The following KCNIP1 variants were observed in gnomAD, a reference collection of about 807,000 sequenced individuals.
KCNIP1 encodes the protein A-type potassium channel modulatory protein KCNIP1.
A neutral mutation model predicts 33.0 loss-of-function variants in KCNIP1; 18 were observed. The observed-to-expected ratio is 0.55, with a 90% CI of 0.38 to 0.81. The LOEUF (loss-of-function observed/expected upper bound fraction) is 0.81, where lower values mean the gene tolerates loss of function less well. KCNIP1 is among the 30% of genes least tolerant of loss of function. The probability of loss-of-function intolerance (pLI) is 0.00; values close to 1 mark genes in which losing one functional copy is unlikely to be tolerated. For missense variants in KCNIP1, 238 were observed against 271.6 expected (o/e 0.88, Z 0.87); for synonymous variants, 93 against 98.3 (o/e 0.95, Z 0.32).
At chr5:170,728,644 A>C (rs1420931695) in intron 5 of KCNIP1, among the ~76,000 whole-genome samples, 1 of 152,184 alleles carries the variant, frequency 6.6e-6, no homozygotes, top group Non-Finnish European at 1.5e-5. Context: ...ATGAAGAGAA[A>C]GAAAATTTTG....
chr5:170,618,905 T>C (rs987083388), intron 1 of KCNIP1, among the ~76,000 whole-genome samples: 1 of 152,190 alleles, frequency 6.6e-6, no homozygotes, highest in African/African-American at 2.4e-5. Context: ...ACATTCCTAC[T>C]GAGCTCTATA....
intron 1 of KCNIP1, among the ~76,000 whole-genome samples, chr5:170,679,626 AGT>A (rs58712710): frequency 0.052 from 7,514 of 144,238 alleles, 203 homozygotes; most frequent in Non-Finnish European, 0.066. Context: ...TGTATATGAC[AGT>A]GTGTGTGTGT....
chr5:170,732,869 G>A lies in KCNIP1; in HGVS notation c.505G>A (p.Asp169Asn). 6.2e-7 allele frequency: 1 copy of A among 1,613,618 alleles called. No individual in the cohort carries two copies. ...ATACACATATCCTGTGCTCAAAGAG[G>A]ACACTCCAAGGCAGCATGTGGACGT... ...GKYTYPVLKE[D>N]TPRQHVDVFF... The change falls in exon 6 of 8, where the codon GAC (aspartate) becomes AAC (asparagine). Residue 169 changes from aspartate to asparagine, a missense_variant. Physicochemically the swap from Asp to Asn is conservative, Grantham distance 23. Coordinates refer to ENST00000328939, the MANE Select transcript of KCNIP1 (RefSeq NM_014592.4).
chr5:170,406,592 G>A (rs565210705), intron 1 of KCNIP1, among the ~76,000 whole-genome samples: 16 of 152,312 alleles, frequency 1.1e-4, no homozygotes, highest in African/African-American at 3.4e-4. Context: ...GCATGGCCTG[G>A]AAGACCTTCA....
At chr5:170,622,125 G>C (rs1257927064) in intron 1 of KCNIP1, among the ~76,000 whole-genome samples, 1 of 152,202 alleles carries the variant, frequency 6.6e-6, no homozygotes, top group Non-Finnish European at 1.5e-5. Flanking sequence ...ACGGTCCCTG[G>C]AGCAAAATGT....
chr5:170,635,800 G>A (rs1480460834), intron 1 of KCNIP1, among the ~76,000 whole-genome samples: 2 of 152,244 alleles, frequency 1.3e-5, no homozygotes, highest in South Asian at 2.1e-4. Context: ...TGCCTTGGAT[G>A]TATAAAAGGG....
At chr5:170,360,901 TC>T (rs1399076142) in intron 1 of KCNIP1, among the ~76,000 whole-genome samples, 2 of 152,220 alleles carry the variant, frequency 1.3e-5, no homozygotes, top group Non-Finnish European at 2.9e-5. Flanking sequence ...TGGCTGGAGT[TC>T]CCTTTTTGAG....
At chr5:170,531,683 T>C (rs1755795642) in intron 1 of KCNIP1, among the ~76,000 whole-genome samples, 1 of 152,212 alleles carries the variant, frequency 6.6e-6, no homozygotes, top group Non-Finnish European at 1.5e-5. Context: ...TCCTTTCCCC[T>C]ACAGTACAGC....
intron 5 of KCNIP1, among the ~76,000 whole-genome samples, chr5:170,731,693 CAA>C (rs1162447420): frequency 2.3e-4 from 22 of 96,766 alleles, no homozygotes; most frequent in Admixed American, 4.5e-4. Flanking sequence ...GAACCTGTCT[CAA>C]AAAAAAAAAA....
chr5:170,598,752 A>G (rs761104427), intron 1 of KCNIP1, among the ~76,000 whole-genome samples: 1 of 152,120 alleles, frequency 6.6e-6, no homozygotes, highest in Non-Finnish European at 1.5e-5. Flanking sequence ...CTGCTCTGCA[A>G]GGGACCAGTG....
rs575015174 is a variant in KCNIP1, at chr5:170,353,703, G to A, written c.-174G>A. 8.0e-6 allele frequency: 5 copies of A among 623,494 alleles called. No individual in the cohort carries two copies. In the East Asian group the frequency reaches 1.1e-4, roughly 14 times the overall value. 38.6% of individuals were successfully genotyped at this position (623,494 alleles called of 1,614,324 possible). On this transcript the variant is annotated 5_prime_UTR_variant, in exon 1 of 8. Transcript: ENST00000377360. ...AGTTTGCCCTGCAGGCTCTCTGGATGCAGAAGCCAGACTCGCTGCAGAGGC... is the reference window on the plus strand; with the variant it reads ...AGTTTGCCCTGCAGGCTCTCTGGATACAGAAGCCAGACTCGCTGCAGAGGC...
At chr5:170,680,908 G>T (rs534626757) in intron 1 of KCNIP1, 18 of 396,346 alleles carry the variant, frequency 4.5e-5, no homozygotes, top group Non-Finnish European at 7.6e-5. Flanking sequence ...GGTGGAGGGA[G>T]GGGTAGGAGT....
intron 1 of KCNIP1, among the ~76,000 whole-genome samples, chr5:170,522,801 G>A (rs73313450): frequency 0.041 from 6,202 of 152,280 alleles, 281 homozygotes; most frequent in African/African-American, 0.11. Context: ...ATCTCTGTAA[G>A]GAAGAGTACA....
At chr5:170,653,319 C>A (rs1485492421) in intron 1 of KCNIP1, among the ~76,000 whole-genome samples, 1 of 152,180 alleles carries the variant, frequency 6.6e-6, no homozygotes, top group Non-Finnish European at 1.5e-5. Context: ...CAGTGGTGAT[C>A]AGCTCAGTGT....
intron 1 of KCNIP1, among the ~76,000 whole-genome samples, chr5:170,515,184 C>G (rs185947541): frequency 1.3e-5 from 2 of 152,246 alleles, no homozygotes; most frequent in South Asian, 2.1e-4. Context: ...TTCCTAGAAG[C>G]GCCTTATGAT....
At chr5:170,359,425 G>A (rs563188259) in intron 1 of KCNIP1, among the ~76,000 whole-genome samples, 2 of 152,276 alleles carry the variant, frequency 1.3e-5, no homozygotes, top group East Asian at 1.9e-4. Context: ...AATGCCACCT[G>A]TCCCATGAAA....
chr5:170,487,872 C>T (rs897703498), intron 1 of KCNIP1, among the ~76,000 whole-genome samples: 3 of 152,122 alleles, frequency 2.0e-5, no homozygotes, highest in Non-Finnish European at 4.4e-5. Context: ...CCTCCCAGCT[C>T]CTGGCAACCA....
At chr5:170,555,977 T>G (rs1382169361) in intron 1 of KCNIP1, among the ~76,000 whole-genome samples, 1 of 152,190 alleles carries the variant, frequency 6.6e-6, no homozygotes. Flanking sequence ...ACCAGCCTCC[T>G]GCCCCACTGT....
At chr5:170,674,271 G>T (rs1409045831) in intron 1 of KCNIP1, among the ~76,000 whole-genome samples, 3 of 151,848 alleles carry the variant, frequency 2.0e-5, no homozygotes, top group Non-Finnish European at 4.4e-5. Context: ...TGTGTGTATT[G>T]AATTGGAATT....
Sources: allele counts gnomAD v4.1 joint callset (sites outside exome capture counted in the v4.1 genomes callset), GRCh38; gene constraint gnomAD v4.1.1; transcripts MANE v1.5; gene names NCBI Gene and HGNC (gene_info 2026-07-23, HGNC 2026-07-21).